The following ZNF442 variants were observed in gnomAD, a reference collection of about 807,000 sequenced individuals.
The protein encoded by ZNF442 is zinc finger protein 442.
In ZNF442, 45 loss-of-function variants were observed where a neutral mutation model predicts 57.0. The observed-to-expected ratio is 0.79, with a 90% CI of 0.62 to 1.01. The LOEUF (loss-of-function observed/expected upper bound fraction) is 1.01. Among genes scored for constraint, ZNF442 ranks in the 50% least tolerant of loss-of-function variants. The pLI is 0.00. For missense variants in ZNF442, 690 were observed against 756.5 expected, an observed-to-expected ratio of 0.91 and a Z score of 1.03; for synonymous variants, 213 against 241.8, an observed-to-expected ratio of 0.88 and a Z score of 1.10.
intron 3 of ZNF442, among the ~76,000 whole-genome samples, chr19:12,362,655 C>T (rs1969454566): frequency 7.2e-6 from 1 of 138,834 alleles, no homozygotes; most frequent in Admixed American, 6.8e-5. Flanking sequence ...GCCCGGCCGC[C>T]CCGTCTGGGA....
upstream of ZNF442, among the ~76,000 whole-genome samples, chr19:12,369,021 T>C (rs1038050213): frequency 7.4e-4 from 112 of 152,164 alleles, no homozygotes; most frequent in African/African-American, 2.6e-3. Context: ...AATATAAAGA[T>C]TTCCCATATT....
At chr19:12,357,349 C>CTTTTT (rs5827145) in intron 3 of ZNF442, among the ~76,000 whole-genome samples, 334 of 95,292 alleles carry the variant, frequency 3.5e-3, no homozygotes, top group Non-Finnish European at 4.2e-3. Context: ...CTTTTTCTTT[C>CTTTTT]TTTTTTTTTT....
chr19:12,373,365 C>T, the ZNF442 span, among the ~76,000 whole-genome samples: 282 of 152,194 alleles, frequency 1.9e-3, no homozygotes, highest in African/African-American at 6.1e-3. Flanking sequence ...CATGGCAAAA[C>T]CCCGCCTTTA....
intron 3 of ZNF442, among the ~76,000 whole-genome samples, chr19:12,356,880 A>C (rs997162707): frequency 6.6e-6 from 1 of 152,190 alleles, no homozygotes; most frequent in Non-Finnish European, 1.5e-5. Context: ...AATTTAAACT[A>C]TCCATAATCT....
the ZNF442 span, among the ~76,000 whole-genome samples, chr19:12,371,776 C>T: frequency 2.6e-5 from 4 of 152,176 alleles, no homozygotes; most frequent in African/African-American, 7.2e-5. Context: ...CCCTTCCTTA[C>T]ACCATATACA....
chr19:12,364,105 C>T (rs1031745231), intron 2 of ZNF442, among the ~76,000 whole-genome samples: 3 of 152,182 alleles, frequency 2.0e-5, no homozygotes, highest in Non-Finnish European at 2.9e-5. Context: ...TGTTCAGGAA[C>T]ACAAATCTTT....
chr19:12,365,470 G>T (rs2144850758), intron 1 of ZNF442, 63 bp downstream of exon 1: 2 of 404,454 alleles, frequency 4.9e-6, no homozygotes, highest in Non-Finnish European at 9.2e-6. Flanking sequence ...CGCCACAGCC[G>T]GTTCTGGCCG....
At chr19:12,353,450 T>C (rs1426775351) in intron 3 of ZNF442, among the ~76,000 whole-genome samples, 1 of 152,204 alleles carries the variant, frequency 6.6e-6, no homozygotes, top group Non-Finnish European at 1.5e-5. Flanking sequence ...TGTACAAGAA[T>C]AGGAGTCCTG....
At chr19:12,368,603 G>A (rs1969556887), upstream of ZNF442, among the ~76,000 whole-genome samples, 2 of 152,150 alleles carry the variant, frequency 1.3e-5, no homozygotes, top group African/African-American at 4.8e-5. Context: ...TTCAAGAGGG[G>A]CAACCAGAGC....
rs968168133 is a variant in ZNF442 at position 12,352,924 on chromosome 19, A to C, written c.205+64T>G. On this transcript the variant is annotated intron_variant, in intron 4 of 5. Coordinates refer to ENST00000242804, the MANE Select transcript of ZNF442 (RefSeq NM_030824.3). ...CTTTCGGTATTTCAAATCATTCAAC[A>C]GCATTGATGACCAAGAAAAAAATGT... 18 of 1,566,660 alleles carry C rather than the reference A, an allele frequency of 1.1e-5. No individual in the cohort carries two copies. In the Admixed American group the frequency reaches 3.6e-4, roughly 31 times the overall value.
At chr19:12,351,419 G>T in intron 5 of ZNF442, 101 bp from the exon 6 acceptor site, 1 of 1,100,042 alleles carries the variant, frequency 9.1e-7, no homozygotes, top group Non-Finnish European at 1.3e-6. Context: ...CATGCAACGT[G>T]TAGGCTTCAT....
chr19:12,361,799 C>G (rs1044594314), intron 3 of ZNF442, among the ~76,000 whole-genome samples: 1 of 151,750 alleles, frequency 6.6e-6, no homozygotes, highest in African/African-American at 2.4e-5. Context: ...GCCGCCATCT[C>G]GGCTCACTGC....
At position 12,350,593 on chromosome 19, in the gene ZNF442, T is replaced by G. The variant is rs764145174; in HGVS notation, c.992A>C (p.His331Pro). The change falls in exon 6 of 6, where the codon CAT (histidine) becomes CCT (proline). Residue 331 changes from histidine (H) to proline (P), a missense_variant. Coordinates refer to ENST00000242804, the MANE Select transcript of ZNF442 (RefSeq NM_030824.3). Reference protein sequence around the residue: ...YECKQCGKAFHHLGSFQRHMI... With the variant: ...YECKQCGKAFPHLGSFQRHMI... ...GTGTCTTTGAAAGCTTCCCAGATGATGAAATGCTTTCCCGCATTGCTTGCA... is the reference window on the plus strand; with the variant it reads ...GTGTCTTTGAAAGCTTCCCAGATGAGGAAATGCTTTCCCGCATTGCTTGCA... The G allele has an allele frequency of 6.2e-7, 1 of 1,613,320 alleles. No homozygotes were observed. Among genetic ancestry groups the G allele is most frequent in the Non-Finnish European group, 8.5e-7 (1 of 1,179,850 alleles).
At chr19:12,371,132 A>G in the ZNF442 span, among the ~76,000 whole-genome samples, 1 of 152,256 alleles carries the variant, frequency 6.6e-6, no homozygotes, top group South Asian at 2.1e-4. Context: ...ATGGCTAAAA[A>G]GAAAGAAGCC....
At chr19:12,354,311 C>A (rs1245367800) in intron 3 of ZNF442, among the ~76,000 whole-genome samples, 2 of 152,118 alleles carry the variant, frequency 1.3e-5, no homozygotes. Flanking sequence ...GATGCTTCAC[C>A]ATCCCAATGC....
rs1969289585 is a variant in ZNF442, at chr19:12,354,285, CAA to C, written c.79-1173_79-1172del. Among the ~76,000 whole-genome samples the C allele has an allele frequency of 1.6e-4, 24 of 152,210 alleles. No homozygotes were observed. The South Asian group carries it at 5.0e-3, about 32-fold the overall frequency. Reference sequence around the variant, plus strand: ...CTAGATCAAATGTAGCAAAGCAAGACAAAAGACTAATAAAAGATGCTTCACCA... The same window carrying C: ...CTAGATCAAATGTAGCAAAGCAAGACAAGACTAATAAAAGATGCTTCACCA... On this transcript the variant is annotated intron_variant, in intron 3 of 5. Transcript: ENST00000242804.
the ZNF442 span, among the ~76,000 whole-genome samples, chr19:12,372,850 T>G: frequency 6.6e-6 from 1 of 152,220 alleles, no homozygotes; most frequent in Non-Finnish European, 1.5e-5. Flanking sequence ...CTCAACTCAC[T>G]GCTACCTCTG....
chr19:12,350,722 G>T lies in ZNF442; in HGVS notation c.863C>A (p.Thr288Asn). ...SSYVRHERTHTGEKPYKCKRC... is the reference protein window; with the variant it reads ...SSYVRHERTHNGEKPYKCKRC... ...TTTACATTTATAGGGTTTTTCTCCA[G>T]TGTGAGTTCTTTCATGTCTTACATA... Residue 288 changes from threonine to asparagine, a missense_variant, in exon 6 of 6, where the codon ACT (threonine) becomes AAT (asparagine). Transcript: ENST00000242804. 6.2e-7 allele frequency: 1 copy of T among 1,614,090 alleles called. No homozygotes were observed. Among genetic ancestry groups the T allele is most frequent in the East Asian group, 2.2e-5 (1 of 44,882 alleles).
In ZNF442 at chr19:12,352,002, C is replaced by T. The variant is rs1182237176; in HGVS notation, c.266+8G>A. The T allele has an allele frequency of 1.9e-6, 3 of 1,612,164 alleles. No homozygotes were observed. The highest frequency in any genetic ancestry group is 1.7e-5 in the Admixed American group (1 of 59,796). ...GATATATGTCTTTCTCTTGTGAGTG[C>T]AAATTACCTTAGGCTCCTCCTGGGA... On this transcript the variant is annotated splice_region_variant and intron_variant, in intron 5 of 5. Transcript: ENST00000242804.
Sources: allele counts gnomAD v4.1 joint callset (sites outside exome capture counted in the v4.1 genomes callset), GRCh38; gene constraint gnomAD v4.1.1; transcripts MANE v1.5; gene names NCBI Gene and HGNC (gene_info 2026-07-23, HGNC 2026-07-21).